ITPR1: variants seen among roughly 807,000 people sequenced by gnomAD.
ITPR1 encodes inositol 1,4,5-trisphosphate-gated calcium channel ITPR1.
A neutral mutation model predicts 318.4 loss-of-function variants in ITPR1; 96 were observed. That is an observed-to-expected ratio of 0.30 (90% CI 0.26 to 0.36). The LOEUF (loss-of-function observed/expected upper bound fraction) is 0.36, where lower values mean the gene tolerates loss of function less well. Ranked by LOEUF, ITPR1 falls within the 10% of genes least tolerant of loss-of-function variation. The pLI, the probability that ITPR1 is intolerant of heterozygous loss-of-function variation, is 1.00. For missense variants in ITPR1, 2,440 were observed against 3,460.2 expected (o/e 0.71, Z 7.40); for synonymous variants, 1,312 against 1,289.9 (o/e 1.02, Z -0.37).
chr3:4,545,610 G>A (rs1214128472), intron 4 of ITPR1, among the ~76,000 whole-genome samples: 6 of 144,374 alleles, frequency 4.2e-5, no homozygotes, highest in Admixed American at 3.4e-4. Context: ...GCAACAGAAC[G>A]GGACCCGGTC....
chr3:4,583,184 A>T (rs979951753), intron 4 of ITPR1, among the ~76,000 whole-genome samples: 2 of 152,210 alleles, frequency 1.3e-5, no homozygotes, highest in Non-Finnish European at 2.9e-5. Context: ...ACAGCTAAAT[A>T]AACGTTTAAA....
At chr3:4,495,547 G>A (rs1158585694) in intron 2 of ITPR1, among the ~76,000 whole-genome samples, 5 of 152,184 alleles carry the variant, frequency 3.3e-5, no homozygotes, top group African/African-American at 1.2e-4. Context: ...TGCTCATAGA[G>A]CCAAGGATTA....
chr3:4,644,301 G>A, intron 8 of ITPR1, 67 bp downstream of exon 8: 1 of 1,036,684 alleles, frequency 9.6e-7, no homozygotes, highest in South Asian at 1.5e-5. Flanking sequence ...AGGCGCCAGT[G>A]CATGCGTGTG....
At chr3:4,672,152 T>C (rs1187654412) in intron 20 of ITPR1, among the ~76,000 whole-genome samples, 1 of 152,224 alleles carries the variant, frequency 6.6e-6, no homozygotes, top group Non-Finnish European at 1.5e-5. Flanking sequence ...TTTCTGAGTA[T>C]ATGTATGAAT....
intron 4 of ITPR1, among the ~76,000 whole-genome samples, chr3:4,574,440 G>A (rs542160404): frequency 1.3e-5 from 2 of 152,158 alleles, no homozygotes; most frequent in African/African-American, 4.8e-5. Context: ...GAGATGGTCG[G>A]TTGACAAGTC....
intron 5 of ITPR1, 145 bp downstream of exon 5, chr3:4,628,023 G>C (rs2092895666): frequency 1.8e-6 from 1 of 543,316 alleles, no homozygotes; most frequent in Non-Finnish European, 3.3e-6. Flanking sequence ...GGGGTAGAAG[G>C]GAACCGACCG....
intron 36 of ITPR1, among the ~76,000 whole-genome samples, chr3:4,705,173 T>A (rs959608557): frequency 9.9e-5 from 15 of 152,192 alleles, no homozygotes; most frequent in African/African-American, 3.6e-4. Flanking sequence ...AAATCATTGT[T>A]TTTTGGACAT....
intron 4 of ITPR1, among the ~76,000 whole-genome samples, chr3:4,567,332 T>C (rs559001182): frequency 6.6e-6 from 1 of 152,174 alleles, no homozygotes; most frequent in Non-Finnish European, 1.5e-5. Flanking sequence ...GCTAATAGAG[T>C]AATACCTTGT....
At chr3:4,822,098 G>T (rs770223848) in intron 60 of ITPR1, among the ~76,000 whole-genome samples, 1 of 152,170 alleles carries the variant, frequency 6.6e-6, no homozygotes, top group South Asian at 2.1e-4. Context: ...GGCAAGTCAC[G>T]GGACTTTGCT....
chr3:4,830,733 G>A (rs1366400932), intron 60 of ITPR1, among the ~76,000 whole-genome samples: 1 of 152,074 alleles, frequency 6.6e-6, no homozygotes. Flanking sequence ...CATTTGAGTT[G>A]GAAAGACCAT....
chr3:4,811,405 C>A lies in ITPR1; in HGVS notation c.7413C>A (p.Phe2471Leu). Residue 2471 changes from phenylalanine (F) to leucine (L), a missense_variant, in exon 56 of 62, where the codon TTC becomes TTA. Coordinates refer to ENST00000649015, the MANE Select transcript of ITPR1 (RefSeq NM_001378452.1). ...TCTCAATAGTGGGCTATCTTTTCTT[C>A]AAGGATGACTTTATCTTGGAAGTAG... is the stretch of plus-strand genomic sequence containing the variant. Reference protein sequence around the residue: ...YLFSIVGYLFFKDDFILEVDR... With the variant: ...YLFSIVGYLFLKDDFILEVDR... 6.2e-7 allele frequency: 1 copy of A among 1,614,012 alleles called. No homozygotes were observed. Among genetic ancestry groups the A allele is most frequent in the Non-Finnish European group, 8.5e-7 (1 of 1,179,876 alleles).
chr3:4,651,567 C>A (rs2093600324), intron 10 of ITPR1, among the ~76,000 whole-genome samples: 1 of 152,186 alleles, frequency 6.6e-6, no homozygotes, highest in African/African-American at 2.4e-5. Flanking sequence ...ATATTTTATC[C>A]AGTTTTCTAG....
intron 52 of ITPR1, 88 bp downstream of exon 52, chr3:4,788,227 C>A: frequency 9.7e-7 from 1 of 1,035,126 alleles, no homozygotes; most frequent in Non-Finnish European, 1.4e-6. Context: ...CATTTCCAAG[C>A]AGGAGCAAAG....
chr3:4,716,247 A>G (rs900087153), intron 39 of ITPR1, among the ~76,000 whole-genome samples: 2 of 152,202 alleles, frequency 1.3e-5, no homozygotes, highest in African/African-American at 4.8e-5. Context: ...AATAGCTCTA[A>G]AATTTAATCT....
At chr3:4,829,953 A>AGTTTTTTT (rs2050344754) in intron 60 of ITPR1, among the ~76,000 whole-genome samples, 3 of 83,084 alleles carry the variant, frequency 3.6e-5, no homozygotes, top group African/African-American at 1.4e-4. Context: ...CATGTATAAC[A>AGTTTTTTT]GTTTTTTTTT....
At chr3:4,561,768 G>A (rs1485603029) in intron 4 of ITPR1, among the ~76,000 whole-genome samples, 1 of 151,890 alleles carries the variant, frequency 6.6e-6, no homozygotes, top group African/African-American at 2.4e-5. Context: ...TTTAACGTGG[G>A]TTAAAAGAAC....
At chr3:4,801,018 G>C (rs2048194982) in intron 54 of ITPR1, among the ~76,000 whole-genome samples, 1 of 152,188 alleles carries the variant, frequency 6.6e-6, no homozygotes, top group Non-Finnish European at 1.5e-5. Context: ...ATAGGTAAGA[G>C]GGCCTGGCCA....
intron 46 of ITPR1, among the ~76,000 whole-genome samples, chr3:4,773,141 C>A (rs1255053516): frequency 6.6e-6 from 1 of 152,216 alleles, no homozygotes. Context: ...GAAGAGGCGA[C>A]TTGCGATGCT....
chr3:4,671,111 A>G (rs1285168175), intron 20 of ITPR1, among the ~76,000 whole-genome samples, 185 bp downstream of exon 20: 3 of 152,128 alleles, frequency 2.0e-5, no homozygotes, highest in Non-Finnish European at 4.4e-5. Flanking sequence ...TGACATCTGG[A>G]TGTGGCTGGT....
Sources: gnomAD v4.1 joint callset for allele counts (sites outside exome capture counted in the v4.1 genomes callset) on GRCh38, gnomAD v4.1.1 for gene constraint, MANE v1.5 for transcripts, NCBI Gene and HGNC (gene_info 2026-07-23, HGNC 2026-07-21) for gene names.